CDR2L: variants seen among roughly 807,000 people sequenced by gnomAD.
CDR2L encodes cerebellar degeneration related protein 2 like.
In CDR2L, 19 loss-of-function variants were observed where a neutral mutation model predicts 36.1. That is an observed-to-expected ratio of 0.53 (90% confidence interval 0.37 to 0.77). The LOEUF (loss-of-function observed/expected upper bound fraction) is 0.77, where lower values mean the gene tolerates loss of function less well. Among genes scored for constraint, CDR2L ranks in the 30% least tolerant of loss-of-function variants. The probability of loss-of-function intolerance (pLI) is 0.00; values close to 1 mark genes in which losing one functional copy is unlikely to be tolerated. For synonymous variants in CDR2L, 285 were observed against 280.4 expected (o/e 1.02, Z -0.16); for missense variants, 575 against 627.2 (o/e 0.92, Z 0.89).
intron 2 of CDR2L, 47 bp downstream of exon 2, chr17:74,999,663 G>C (rs1198371691): frequency 8.7e-7 from 1 of 1,149,600 alleles, no homozygotes; most frequent in Non-Finnish European, 1.2e-6. Context: ...GGGCCCCTTG[G>C]CCTGTGTGTG....
At position 74,989,414 on chromosome 17, in the gene CDR2L, C is replaced by CACACACAT. The variant is rs1156747221; in HGVS notation, c.79+1299_79+1300insTACACACA. ...AATGAGATACAGCTCCTCTCAAACA[C>CACACACAT]ACACACACACACACACACACACACA... is the stretch of plus-strand genomic sequence containing the variant. On this transcript the variant is annotated intron_variant, in intron 1 of 4. Coordinates refer to ENST00000337231, the MANE Select transcript of CDR2L (RefSeq NM_014603.3). The surrounding 1 kb of genome is among the most constrained non-coding windows in gnomAD (Gnocchi z 4.2). Among the ~76,000 whole-genome samples the CACACACAT allele has an allele frequency of 6.7e-6, 1 of 148,936 alleles. No individual in the cohort carries two copies. Among genetic ancestry groups the CACACACAT allele is most frequent in the East Asian group, 2.0e-4 (1 of 5,068 alleles).
chr17:74,993,404 A>G (rs2039808175), intron 1 of CDR2L, among the ~76,000 whole-genome samples: 1 of 152,040 alleles, frequency 6.6e-6, no homozygotes, highest in African/African-American at 2.4e-5. Flanking sequence ...CAGCCTTCTG[A>G]GTAGCTGAGA....
At position 74,987,945 on chromosome 17, in the gene CDR2L, G is replaced by C; in HGVS notation, c.-99G>C. 2 of 558,184 alleles carry C rather than the reference G, an allele frequency of 3.6e-6. No individual in the cohort carries two copies. The highest frequency in any genetic ancestry group is 4.7e-5 in the Admixed American group (1 of 21,208). 34.6% of individuals were successfully genotyped at this position (558,184 alleles called of 1,614,324 possible). A position where few individuals can be genotyped will look rare whatever the true frequency, so the allele number is the denominator to read the frequency against. ...CGCGGGCTCTGTAGCCCGAGTTCCC[G>C]ACGCTGGAGGCCCGGCCCGCCTCAG... is the stretch of plus-strand genomic sequence containing the variant. On this transcript the variant is annotated 5_prime_UTR_variant, in exon 1 of 5. Coordinates refer to ENST00000337231, the MANE Select transcript of CDR2L (RefSeq NM_014603.3).
chr17:75,003,204 A>C lies in CDR2L; in HGVS notation c.528A>C (p.Leu176=). 6.4e-7 allele frequency: 1 copy of C among 1,565,720 alleles called. No individual in the cohort carries two copies. Among genetic ancestry groups the C allele is most frequent in the Non-Finnish European group, 8.6e-7 (1 of 1,156,306 alleles). ...CCAGGTGCAAGGATGCTTTCCGCCT[A>C]CACAGTTCCTCCCTGGAGCTGGGCC... ...TSPRCKDAFR[L]HSSSLELGPR... The change falls in exon 5 of 5, where the codon CTA becomes CTC. Residue 176 remains leucine, a synonymous_variant. Coordinates refer to ENST00000337231, the MANE Select transcript of CDR2L (RefSeq NM_014603.3).
rs1258131543 is a variant in CDR2L at position 74,988,075 on chromosome 17, C to T, written c.32C>T (p.Ser11Phe). 2.0e-6 allele frequency: 3 copies of T among 1,530,960 alleles called. No individual in the cohort carries two copies. The highest frequency in any genetic ancestry group is 2.6e-5 in the East Asian group (1 of 37,746). 94.8% of individuals were successfully genotyped at this position (1,530,960 alleles called of 1,614,324 possible). MRRAAGMEDF[S>F]AEEEESWYDQ... Reference sequence around the variant, plus strand: ...AGAGCCGCCGGGATGGAGGACTTCTCCGCGGAGGAAGAGGAGTCCTGGTAC... The same window carrying T: ...AGAGCCGCCGGGATGGAGGACTTCTTCGCGGAGGAAGAGGAGTCCTGGTAC... Residue 11 changes from serine to phenylalanine, a missense_variant, in exon 1 of 5, where the codon TCC (serine) becomes TTC (phenylalanine). By Grantham distance (155) the Ser-to-Phe change is radical. Coordinates refer to ENST00000337231, the MANE Select transcript of CDR2L (RefSeq NM_014603.3).
At chr17:74,993,590 T>C (rs1266688331) in intron 1 of CDR2L, among the ~76,000 whole-genome samples, 1 of 152,212 alleles carries the variant, frequency 6.6e-6, no homozygotes, top group East Asian at 1.9e-4. Context: ...ATTCCCTTAC[T>C]AGGTTTATGT....
chr17:74,993,270 C>A (rs930929785), intron 1 of CDR2L, among the ~76,000 whole-genome samples: 1 of 151,804 alleles, frequency 6.6e-6, no homozygotes, highest in African/African-American at 2.4e-5. Flanking sequence ...TAGTACAGGG[C>A]TGTAGTTCAA....
chr17:75,003,850 A>G lies in CDR2L; in HGVS notation c.1174A>G (p.Ile392Val), dbSNP rs1417551461. ...CGCCGGCGTGCAGACCTCGCGCCCC[A>G]TCTCCCGGGACAGCTCGTGGAGGGA... The part of the protein sequence containing the change: ...RHAGVQTSRP[I>V]SRDSSWRDLR... The change falls in exon 5 of 5, where the codon ATC becomes GTC. Residue 392 changes from isoleucine (I) to valine (V), a missense_variant. Ile to Val is a conservative substitution (Grantham distance 29). Transcript: ENST00000337231. 6 of 1,583,046 alleles carry G rather than the reference A, an allele frequency of 3.8e-6. No homozygotes were observed. The Admixed American group carries it at 7.3e-5, about 19-fold the overall frequency.
rs1317691483 is a variant in CDR2L at position 74,987,650 on chromosome 17, C to A, written c.-394C>A. 6.5e-6 allele frequency: 1 copy of A among 154,200 alleles called. No homozygotes were observed. The highest frequency in any genetic ancestry group is 2.1e-4 in the South Asian group (1 of 4,864). The allele number at this position is 154,200 out of a possible 1,614,324, so 9.6% of individuals were successfully genotyped here. A position where few individuals can be genotyped will look rare whatever the true frequency, so the allele number is the denominator to read the frequency against. ...CTCCGCCAAGATGCAGCGGCGGCTCCGGTTGTCGCCGGGCGGGCCAGGAGC... is the reference window on the plus strand; with the variant it reads ...CTCCGCCAAGATGCAGCGGCGGCTCAGGTTGTCGCCGGGCGGGCCAGGAGC... On this transcript the variant is annotated 5_prime_UTR_variant, in exon 1 of 5. Transcript: ENST00000337231.
chr17:74,993,491 A>G (rs2039808838), intron 1 of CDR2L, among the ~76,000 whole-genome samples: 1 of 152,122 alleles, frequency 6.6e-6, no homozygotes, highest in African/African-American at 2.4e-5. Context: ...GCCCAGTGCA[A>G]TGATCTTTAC....
chr17:74,997,564 G>A (rs1165286915), intron 1 of CDR2L, among the ~76,000 whole-genome samples: 1 of 152,046 alleles, frequency 6.6e-6, no homozygotes, highest in Non-Finnish European at 1.5e-5. Context: ...TACTGTCCTG[G>A]GTCCTGGGGA....
Position 74,995,858 on chromosome 17 carries a change from C to T in CDR2L, c.80-3646C>T, listed in dbSNP as rs566705436. Among the ~76,000 whole-genome samples, 10 of 152,260 alleles carry T rather than the reference C, an allele frequency of 6.6e-5. No homozygotes were observed. In the South Asian group the frequency reaches 2.1e-3, roughly 32 times the overall value. On this transcript the variant is annotated intron_variant, in intron 1 of 4. Coordinates refer to ENST00000337231, the MANE Select transcript of CDR2L (RefSeq NM_014603.3). ...GTTTGATTTTTTTACACCAATCATGCCTTATGAAAAACATTAAAGCTATTT... is the reference window on the plus strand; with the variant it reads ...GTTTGATTTTTTTACACCAATCATGTCTTATGAAAAACATTAAAGCTATTT...
At position 75,004,625 on chromosome 17, in the gene CDR2L, G is replaced by C. The variant is rs2039892346; in HGVS notation, c.*551G>C. ...TTAGCACCAGCTGTCCCACCTCCAG[G>C]GTCCTGACCAGGTCAGAGATGTCCC... On this transcript the variant is annotated 3_prime_UTR_variant, in exon 5 of 5. Coordinates refer to ENST00000337231, the MANE Select transcript of CDR2L (RefSeq NM_014603.3). 1 of 154,116 alleles carries C rather than the reference G, an allele frequency of 6.5e-6. No individual in the cohort carries two copies. The allele number at this position is 154,116 out of a possible 1,614,324, so 9.5% of individuals were successfully genotyped here.
rs1247283834 is a variant in CDR2L at position 74,999,777 on chromosome 17, C to G, written c.192+161C>G. Among the ~76,000 whole-genome samples the G allele has an allele frequency of 6.6e-6, 1 of 152,054 alleles. No individual in the cohort carries two copies. Among genetic ancestry groups the G allele is most frequent in the Non-Finnish European group, 1.5e-5 (1 of 68,010 alleles). On this transcript the variant is annotated intron_variant, in intron 2 of 4. Coordinates refer to ENST00000337231, the MANE Select transcript of CDR2L (RefSeq NM_014603.3). ...GCTATCCTGTACAAGGATAGCACAG[C>G]TATCTCAGGCAGCCCTATTGCACAA...
intron 3 of CDR2L, 32 bp downstream of exon 3, chr17:75,001,521 C>A: frequency 6.7e-7 from 1 of 1,492,080 alleles, no homozygotes; most frequent in South Asian, 1.3e-5. Context: ...GGGGGGCGGG[C>A]GAGGGAGAGC....
chr17:74,991,549 C>G (rs575680670), intron 1 of CDR2L, among the ~76,000 whole-genome samples: 23 of 151,910 alleles, frequency 1.5e-4, no homozygotes, highest in Non-Finnish European at 3.2e-4. Context: ...AACCCCGTCT[C>G]TACTAAAAAT....
intron 3 of CDR2L, among the ~76,000 whole-genome samples, 165 bp downstream of exon 3, chr17:75,001,654 C>T (rs573727260): frequency 3.4e-4 from 51 of 152,162 alleles, no homozygotes; most frequent in Non-Finnish European, 6.5e-4. Flanking sequence ...ACATTCAGGC[C>T]GCAACCTTGC....
intron 1 of CDR2L, among the ~76,000 whole-genome samples, chr17:74,998,651 G>A (rs774858499): frequency 3.9e-5 from 6 of 152,178 alleles, no homozygotes; most frequent in African/African-American, 1.4e-4. Flanking sequence ...GAGACTGCAG[G>A]GCAGGGAACA....
intron 1 of CDR2L, among the ~76,000 whole-genome samples, chr17:74,988,401 C>G (rs985705388): frequency 2.0e-5 from 3 of 152,210 alleles, no homozygotes; most frequent in East Asian, 3.9e-4. Context: ...TCGCCCACCC[C>G]GTCCTGGAGG....
Sources: allele counts gnomAD v4.1 joint callset (sites outside exome capture counted in the v4.1 genomes callset), GRCh38; gene constraint gnomAD v4.1.1; non-coding constraint Gnocchi (gnomAD v3.1); transcripts MANE v1.5; gene names NCBI Gene and HGNC (gene_info 2026-07-23, HGNC 2026-07-21).